LIMA1: variants seen among roughly 807,000 people sequenced by gnomAD.
The protein encoded by LIMA1 is LIM domain and actin-binding protein 1.
LIMA1 carries 52 observed loss-of-function variants against 62.6 expected under a neutral mutation model. The observed-to-expected ratio is 0.83, with a 90% confidence interval of 0.67 to 1.05. The LOEUF is 1.05. Among genes scored for constraint, LIMA1 ranks in the 50% least tolerant of loss-of-function variants. LIMA1 has a pLI of 0.00. For synonymous variants in LIMA1, 302 were observed against 317.8 expected (o/e 0.95, Z 0.53); for missense variants, 780 against 902.2 (o/e 0.86, Z 1.74).
In LIMA1 at chr12:50,176,395, C is replaced by G. The variant is rs1940335107; in HGVS notation, c.*669G>C. 2 of 152,188 alleles carry G rather than the reference C, an allele frequency of 1.3e-5. No homozygotes were observed. Among genetic ancestry groups the G allele is most frequent in the African/African-American group, 4.8e-5 (2 of 41,444 alleles). The allele number at this position is 152,188 out of a possible 1,614,324, so 9.4% of individuals were successfully genotyped here. The stretch of plus-strand genomic sequence containing the variant: ...CTTATTTGGGAGACAGCAGATCTCT[C>G]TAAGCACCGAAGAGTGTAGGTTGGT... On this transcript the variant is annotated 3_prime_UTR_variant, in exon 11 of 11. Coordinates refer to ENST00000341247, the MANE Select transcript of LIMA1 (RefSeq NM_016357.5).
intron 9 of LIMA1, among the ~76,000 whole-genome samples, chr12:50,182,356 G>A (rs887415368): frequency 2.0e-5 from 3 of 150,966 alleles, no homozygotes; most frequent in Admixed American, 6.6e-5. Context: ...GGGGGAAGGG[G>A]TCGGGGGGGG....
At chr12:50,205,779 C>T (rs1408899118) in intron 5 of LIMA1, among the ~76,000 whole-genome samples, 1 of 134,434 alleles carries the variant, frequency 7.4e-6, no homozygotes, top group Non-Finnish European at 1.5e-5. Flanking sequence ...TTTGGGAGCA[C>T]GTCAACTTCC....
chr12:50,230,713 A>T (rs186515561), intron 3 of LIMA1, among the ~76,000 whole-genome samples: 1 of 151,988 alleles, frequency 6.6e-6, no homozygotes, highest in East Asian at 1.9e-4. Context: ...AGTAGCTGGG[A>T]CTACAGGCGC....
rs564479610 is a variant in LIMA1 at position 50,254,277 on chromosome 12, A to G, written c.-23-5503T>C. On this transcript the variant is annotated intron_variant, in intron 1 of 10. Coordinates refer to ENST00000341247, the MANE Select transcript of LIMA1 (RefSeq NM_016357.5). Reference sequence around the variant, plus strand: ...CTTCAGAGACTAGAAGGATCGTTGCATGACAAATAAATGGTATACATAGAA... The same window carrying G: ...CTTCAGAGACTAGAAGGATCGTTGCGTGACAAATAAATGGTATACATAGAA... Among the ~76,000 whole-genome samples, 99 of 152,350 alleles carry G rather than the reference A, an allele frequency of 6.5e-4. 2 individuals are homozygous for G. Among genetic ancestry groups the G allele is most frequent in the African/African-American group, 2.3e-3 (95 of 41,578 alleles).
At chr12:50,228,005 G>C (rs540419833) in intron 3 of LIMA1, among the ~76,000 whole-genome samples, 1 of 151,748 alleles carries the variant, frequency 6.6e-6, no homozygotes, top group Non-Finnish European at 1.5e-5. Flanking sequence ...GACTACAGGC[G>C]CCCGCCACCG....
At chr12:50,198,546 C>A (rs1236612401) in intron 7 of LIMA1, among the ~76,000 whole-genome samples, 3 of 151,758 alleles carry the variant, frequency 2.0e-5, no homozygotes, top group Admixed American at 2.0e-4. Flanking sequence ...AGAGCAAGAC[C>A]TCATCTCTAA....
rs1416014260 is a variant in LIMA1 at position 50,220,611 on chromosome 12, G to A, written c.630+1410C>T. The A allele has an allele frequency of 2.6e-5, 4 of 152,124 alleles. No homozygotes were observed. The East Asian group carries it at 5.8e-4, about 22-fold the overall frequency. The allele number at this position is 152,124 out of a possible 1,614,324, so 9.4% of individuals were successfully genotyped here. A position where few individuals can be genotyped will look rare whatever the true frequency, so the allele number is the denominator to read the frequency against. On this transcript the variant is annotated intron_variant, in intron 4 of 10. Coordinates refer to ENST00000341247, the MANE Select transcript of LIMA1 (RefSeq NM_016357.5). ...ACATCAGCTGTCCTGTTCCTAGCAG[G>A]GTCTGGGAGGAGGAGACTTACAATG...
chr12:50,281,863 T>C (rs968938687), intron 1 of LIMA1, among the ~76,000 whole-genome samples: 4 of 152,218 alleles, frequency 2.6e-5, no homozygotes, highest in African/African-American at 9.6e-5. Flanking sequence ...TACAGTACCC[T>C]GGGCTGACCT....
chr12:50,214,052 G>A (rs1033749116), intron 4 of LIMA1, among the ~76,000 whole-genome samples: 1 of 51,642 alleles, frequency 1.9e-5, no homozygotes, highest in Admixed American at 1.6e-4. Flanking sequence ...ACACACACAC[G>A]AGATTACTCA....
intron 10 of LIMA1, among the ~76,000 whole-genome samples, chr12:50,179,946 C>A (rs1482460542): frequency 6.6e-6 from 1 of 150,960 alleles, no homozygotes; most frequent in Non-Finnish European, 1.5e-5. Flanking sequence ...GGGCAGATCA[C>A]TTGAGGTCAG....
chr12:50,274,158 G>T (rs1369255503), intron 1 of LIMA1, among the ~76,000 whole-genome samples: 2 of 152,078 alleles, frequency 1.3e-5, no homozygotes, highest in Non-Finnish European at 2.9e-5. Context: ...ACAACACTTT[G>T]GATTGCAAAA....
chr12:50,279,515 G>C (rs1942313714), intron 1 of LIMA1, among the ~76,000 whole-genome samples: 1 of 152,144 alleles, frequency 6.6e-6, no homozygotes, highest in Non-Finnish European at 1.5e-5. Context: ...AGATTATAAA[G>C]GGAGAAAGTA....
At chr12:50,279,838 T>G (rs940196021) in intron 1 of LIMA1, among the ~76,000 whole-genome samples, 2 of 152,136 alleles carry the variant, frequency 1.3e-5, no homozygotes, top group African/African-American at 4.8e-5. Context: ...TTAGTAAAAC[T>G]GACTATGAAA....
At chr12:50,263,836 A>ATATATATATATAGAGAGAGAG (rs1942103039) in intron 1 of LIMA1, among the ~76,000 whole-genome samples, 1 of 116,524 alleles carries the variant, frequency 8.6e-6, no homozygotes, top group African/African-American at 3.7e-5. Context: ...TAGAGAGAGT[A>ATATATATATATAGAGAGAGAG]TATATATATA....
chr12:50,261,042 A>ATTTTTTTTTTTTTTTTT lies in LIMA1; in HGVS notation c.-23-12285_-23-12269dup, dbSNP rs71083524. On this transcript the variant is annotated intron_variant, in intron 1 of 10. Coordinates refer to ENST00000341247, the MANE Select transcript of LIMA1 (RefSeq NM_016357.5). ...CTTTTGCTTTTCTGCCATCTAGTAT[A>ATTTTTTTTTTTTTTTTT]TTTTTTTTTTTTTTTTTTTTTTTTT... Among the ~76,000 whole-genome samples the ATTTTTTTTTTTTTTTTT allele has an allele frequency of 5.0e-4, 27 of 54,292 alleles. 6 individuals are homozygous for ATTTTTTTTTTTTTTTTT. The East Asian group carries it at 5.7e-3, about 11-fold the overall frequency. The allele number at this position is 54,292 out of a possible 152,430, so 35.6% of individuals were successfully genotyped here. A position where few individuals can be genotyped will look rare whatever the true frequency, so the allele number is the denominator to read the frequency against.
Position 50,177,246 on chromosome 12 carries a change from G to C in LIMA1, c.2098C>G (p.Gln700Glu). 2 of 1,614,074 alleles carry C rather than the reference G, an allele frequency of 1.2e-6. No individual in the cohort carries two copies. Among genetic ancestry groups the C allele is most frequent in the East Asian group, 4.5e-5 (2 of 44,886 alleles). Residue 700 changes from glutamine (Q) to glutamate (E), a missense_variant, in exon 11 of 11, where the codon CAA becomes GAA. Coordinates refer to ENST00000341247, the MANE Select transcript of LIMA1 (RefSeq NM_016357.5). ...GACCAATTCAGAGACTTGGGTTCTT[G>C]TGGAGATTGTTGTTTGAGGAAGCTG... ...DNSFLKQQSPQEPKSLNWSSF... is the reference protein window; with the variant it reads ...DNSFLKQQSPEEPKSLNWSSF...
rs548934851 is a variant in LIMA1, at chr12:50,197,701, G to A, written c.973-1814C>T. Among the ~76,000 whole-genome samples the A allele has an allele frequency of 5.3e-5, 8 of 152,264 alleles. No homozygotes were observed. In the South Asian group the frequency reaches 1.7e-3, roughly 32 times the overall value. ...AAGGAAACATGAATTTAGATACAGG[G>A]ACAATTCAAGCATTATTTCCCAAAT... On this transcript the variant is annotated intron_variant, in intron 7 of 10. Coordinates refer to ENST00000341247, the MANE Select transcript of LIMA1 (RefSeq NM_016357.5).
chr12:50,276,367 A>T (rs1166457835), intron 1 of LIMA1, among the ~76,000 whole-genome samples: 2 of 152,214 alleles, frequency 1.3e-5, no homozygotes, highest in Non-Finnish European at 2.9e-5. Flanking sequence ...ACATAGCCTA[A>T]CAGGTAGCTG....
chr12:50,257,409 A>G (rs553056077), intron 1 of LIMA1, among the ~76,000 whole-genome samples: 1 of 152,334 alleles, frequency 6.6e-6, no homozygotes, highest in African/African-American at 2.4e-5. Context: ...AGTAAACAGC[A>G]AACTGTTCTC....
Sources: gnomAD v4.1 joint callset for allele counts (sites outside exome capture counted in the v4.1 genomes callset) on GRCh38, gnomAD v4.1.1 for gene constraint, MANE v1.5 for transcripts, NCBI Gene and HGNC (gene_info 2026-07-23, HGNC 2026-07-21) for gene names.